Variants in PRRG3 observed in about 807,000 individuals in gnomAD.
The protein encoded by PRRG3 is proline rich and Gla domain 3, also known as transmembrane gamma-carboxyglutamic acid protein 3.
PRRG3 carries 21 observed loss-of-function variants against 15.8 expected under a neutral mutation model. That is an observed-to-expected ratio of 1.33 (90% CI 0.94 to 1.92). The LOEUF (loss-of-function observed/expected upper bound fraction) is 1.92, where lower values mean the gene tolerates loss of function less well. Among genes scored for constraint, PRRG3 ranks in the 40% most tolerant of loss-of-function variants. The probability of loss-of-function intolerance (pLI) is 0.00; values close to 1 mark genes in which losing one functional copy is unlikely to be tolerated. For synonymous variants in PRRG3, 125 were observed against 84.1 expected, an observed-to-expected ratio of 1.49 and a Z score of -2.66; for missense variants, 251 against 200.2, an observed-to-expected ratio of 1.25 and a Z score of -1.53.
intron 2 of PRRG3, 49 bp from the exon 3 acceptor site, chrX:151,699,947 G>A: frequency 2.7e-6 from 3 of 1,129,537 alleles, no homozygotes; most frequent in Non-Finnish European, 2.4e-6. Flanking sequence ...GTTTGAAGGA[G>A]CCCCTGGGCA....
At chrX:151,696,818 G>A (rs2014767305) in intron 1 of PRRG3, among the ~76,000 whole-genome samples, 1 of 110,864 alleles carries the variant, frequency 9.0e-6, no homozygotes, top group Admixed American at 9.6e-5. Flanking sequence ...AAACATTGAG[G>A]GCCAACTGTC....
chrX:151,700,192 A>G, intron 3 of PRRG3, 36 bp downstream of exon 3: 1 of 1,211,577 alleles, frequency 8.3e-7, no homozygotes, highest in Non-Finnish European at 1.1e-6. Context: ...TGGGAGTAGG[A>G]GTAGCCTCAG....
chrX:151,705,354 C>T lies in PRRG3; in HGVS notation c.*4321C>T, dbSNP rs1335916675. On this transcript the variant is annotated 3_prime_UTR_variant, in exon 4 of 4. Transcript: ENST00000674457. ...GCTTTTCCTTTCAGACTGTGGGCAG[C>T]GAGTCTCTCTCTAGCAAGAATTTAT... 2 of 341,628 alleles carry T rather than the reference C, an allele frequency of 5.9e-6. No individual in the cohort carries two copies. The highest frequency in any genetic ancestry group is 1.2e-5 in the Non-Finnish European group (2 of 169,964). 28.2% of individuals were successfully genotyped at this position (341,628 alleles called of 1,213,427 possible).
intron 2 of PRRG3, 49 bp from the exon 3 acceptor site, chrX:151,699,947 G>T (rs771193135): frequency 8.9e-7 from 1 of 1,129,537 alleles, no homozygotes; most frequent in Non-Finnish European, 1.2e-6. Flanking sequence ...GTTTGAAGGA[G>T]CCCCTGGGCA....
rs935999244 is a variant in PRRG3 at position 151,705,115 on chromosome X, G to A, written c.*4082G>A. 3.7e-5 allele frequency: 10 copies of A among 267,136 alleles called. No homozygotes were observed. Among genetic ancestry groups the A allele is most frequent in the African/African-American group, 2.3e-4 (8 of 35,200 alleles). 22.0% of individuals were successfully genotyped at this position (267,136 alleles called of 1,213,427 possible). On this transcript the variant is annotated 3_prime_UTR_variant, in exon 4 of 4. Coordinates refer to ENST00000674457, the MANE Select transcript of PRRG3 (RefSeq NM_001372163.1). ...CAGTTCAGCACTTCTCGTATGTACA[G>A]GGTGATCTCTTGTTCTCTCTCCATC...
Position 151,700,024 on chromosome X carries a change from G to A in PRRG3, c.36G>A (p.Ser12=), listed in dbSNP as rs1367218668. 6.6e-6 allele frequency: 8 copies of A among 1,208,655 alleles called. No individual in the cohort carries two copies. The South Asian group carries it at 7.1e-5, about 11-fold the overall frequency. ...TTCTGGAGGCCAAGGATGCCCATTC[G>A]GTCCTGAAACGATTCCCTCGTGCCA... ...AVFLEAKDAH[S]VLKRFPRANE... Residue 12 remains serine (S), a synonymous_variant, in exon 3 of 4, where the codon TCG becomes TCA. Transcript: ENST00000674457.
chrX:151,698,565 G>GCCCTACT, intron 1 of PRRG3: 1 of 310,067 alleles, frequency 3.2e-6, no homozygotes. Flanking sequence ...TTTGCTTTGG[G>GCCCTACT]CCCTACTGGG....
chrX:151,700,982 AC>A lies in PRRG3; in HGVS notation c.650del (p.Pro217GlnfsTer6). 8.5e-7 allele frequency: 1 copy of A among 1,179,355 alleles called. No homozygotes were observed. The highest frequency in any genetic ancestry group is 1.1e-6 in the Non-Finnish European group (1 of 879,419). ...AGGCCAGCGTGTCTTACAGTGACCC[AC>A]CCCCAAAGTACGAGGAGATAGTGGC... is the stretch of plus-strand genomic sequence containing the variant. ...EEASVSYSDP[P>X]PKYEEIVAAN... On this transcript the variant is annotated frameshift_variant, in exon 4 of 4. Transcript: ENST00000674457. LOFTEE classifies it high-confidence loss of function.
In PRRG3 at chrX:151,700,104, A is replaced by C. The variant is rs1569422058; in HGVS notation, c.116A>C (p.Glu39Ala). 1 of 1,211,980 alleles carries C rather than the reference A, an allele frequency of 8.3e-7. No homozygotes were observed. Among genetic ancestry groups the C allele is most frequent in the Non-Finnish European group, 1.1e-6 (1 of 895,576 alleles). ...ACCATCGAGCGAGAGTGCATGGAGG[A>C]GATCTGCAGCTACGAGGAGGTCAAG... ...QGTIERECME[E>A]ICSYEEVKEV... Residue 39 changes from glutamate (E) to alanine (A), a missense_variant, in exon 3 of 4, where the codon GAG becomes GCG. By Grantham distance (107) the Glu-to-Ala change is moderately radical (BLOSUM62 -1). Transcript: ENST00000674457.
chrX:151,703,749 A>G lies in PRRG3; in HGVS notation c.*2716A>G, dbSNP rs1326594421. ...AAGCAGCTCCATTCTGCAGGTCTCC[A>G]CCCTATGCAACCCCCGCTCACACGC... On this transcript the variant is annotated 3_prime_UTR_variant, in exon 4 of 4. Transcript: ENST00000674457. 1 of 105,353 alleles carries G rather than the reference A, an allele frequency of 9.5e-6. No homozygotes were observed. Among genetic ancestry groups the G allele is most frequent in the East Asian group, 3.0e-4 (1 of 3,302 alleles). 8.7% of individuals were successfully genotyped at this position (105,353 alleles called of 1,213,427 possible).
At position 151,700,050 on chromosome X, in the gene PRRG3, A is replaced by G. The variant is rs888847773; in HGVS notation, c.62A>G (p.Asn21Ser). Residue 21 changes from asparagine to serine, a missense_variant, in exon 3 of 4, where the codon AAT (asparagine) becomes AGT (serine). Asn to Ser is a conservative substitution (Grantham distance 46). Transcript: ENST00000674457. ...GTCCTGAAACGATTCCCTCGTGCCA[A>G]TGAGTTCCTGGAGGAGCTGCGCCAG... The part of the protein sequence containing the change: ...HSVLKRFPRA[N>S]EFLEELRQGT... 3 of 1,211,771 alleles carry G rather than the reference A, an allele frequency of 2.5e-6. No homozygotes were observed. Among genetic ancestry groups the G allele is most frequent in the Admixed American group, 4.3e-5 (2 of 46,086 alleles).
chrX:151,699,843 C>T (rs981458767), intron 2 of PRRG3, 153 bp from the exon 3 acceptor site: 44 of 520,895 alleles, frequency 8.4e-5, no homozygotes, highest in East Asian at 1.1e-4. Flanking sequence ...CACAAAGGGC[C>T]GGCCATGTCC....
At chrX:151,696,400 C>T (rs2014760980) in intron 1 of PRRG3, among the ~76,000 whole-genome samples, 1 of 110,184 alleles carries the variant, frequency 9.1e-6, no homozygotes, top group Non-Finnish European at 1.9e-5. Flanking sequence ...GCCATGGGAA[C>T]TGTTTTGGGG....
chrX:151,705,098 C>T lies in PRRG3; in HGVS notation c.*4065C>T. On this transcript the variant is annotated 3_prime_UTR_variant, in exon 4 of 4. Coordinates refer to ENST00000674457, the MANE Select transcript of PRRG3 (RefSeq NM_001372163.1). ...CCGTGCCTTCAGCTTTGCAGTTCAG[C>T]ACTTCTCGTATGTACAGGGTGATCT... The T allele has an allele frequency of 4.3e-6, 1 of 230,765 alleles. No homozygotes were observed. The highest frequency in any genetic ancestry group is 5.0e-5 in the South Asian group (1 of 19,873). 19.0% of individuals were successfully genotyped at this position (230,765 alleles called of 1,213,427 possible). A position where few individuals can be genotyped will look rare whatever the true frequency, so the allele number is the denominator to read the frequency against.
chrX:151,701,156 C>G lies in PRRG3; in HGVS notation c.*123C>G. 1.5e-6 allele frequency: 1 copy of G among 664,508 alleles called. No homozygotes were observed. Among genetic ancestry groups the G allele is most frequent in the South Asian group, 6.1e-5 (1 of 16,308 alleles). The allele number at this position is 664,508 out of a possible 1,213,427, so 54.8% of individuals were successfully genotyped here. ...AGCCTCCTTGTTGCCAAATAATTCCCTAACTGTGGAGTTTTAGGAAGTCAG... is the reference window on the plus strand; with the variant it reads ...AGCCTCCTTGTTGCCAAATAATTCCGTAACTGTGGAGTTTTAGGAAGTCAG... On this transcript the variant is annotated 3_prime_UTR_variant, in exon 4 of 4. Transcript: ENST00000674457.
At position 151,704,147 on chromosome X, in the gene PRRG3, G is replaced by A. The variant is rs961502019; in HGVS notation, c.*3114G>A. 3 of 109,672 alleles carry A rather than the reference G, an allele frequency of 2.7e-5. No individual in the cohort carries two copies. Among genetic ancestry groups the A allele is most frequent in the Non-Finnish European group, 5.7e-5 (3 of 52,690 alleles). The allele number at this position is 109,672 out of a possible 1,213,427, so 9.0% of individuals were successfully genotyped here. A position where few individuals can be genotyped will look rare whatever the true frequency, so the allele number is the denominator to read the frequency against. The stretch of plus-strand genomic sequence containing the variant: ...CCTCCCCCGCTTCCCATCGCCTCCG[G>A]TTTTCAAAATGAAAGCACAAGTGCA... On this transcript the variant is annotated 3_prime_UTR_variant, in exon 4 of 4. Transcript: ENST00000674457.
chrX:151,705,621 A>G lies in PRRG3; in HGVS notation c.*4588A>G, dbSNP rs1264270226. ...CTGTTATTTTGCTCTGACATTGTGA[A>G]TTTGTGACAGTGGAAACCCTGATAT... On this transcript the variant is annotated 3_prime_UTR_variant, in exon 4 of 4. Transcript: ENST00000674457. 1 of 209,348 alleles carries G rather than the reference A, an allele frequency of 4.8e-6. No homozygotes were observed. The highest frequency in any genetic ancestry group is 2.9e-5 in the African/African-American group (1 of 34,098). 17.3% of individuals were successfully genotyped at this position (209,348 alleles called of 1,213,427 possible). A position where few individuals can be genotyped will look rare whatever the true frequency, so the allele number is the denominator to read the frequency against.
Position 151,703,167 on chromosome X carries a change from A to G in PRRG3, c.*2134A>G, listed in dbSNP as rs2014914003. On this transcript the variant is annotated 3_prime_UTR_variant, in exon 4 of 4. Coordinates refer to ENST00000674457, the MANE Select transcript of PRRG3 (RefSeq NM_001372163.1). ...GGCAACATGTGTCCTTCAGGGGCTG[A>G]GGACAGGCCGTGGGAAGAGTCACAG... is the stretch of plus-strand genomic sequence containing the variant. 8.9e-6 allele frequency: 1 copy of G among 112,360 alleles called. No individual in the cohort carries two copies. The highest frequency in any genetic ancestry group is 3.7e-4 in the South Asian group (1 of 2,718). 9.3% of individuals were successfully genotyped at this position (112,360 alleles called of 1,213,427 possible).
At chrX:151,700,345 C>A in intron 3 of PRRG3, 161 bp from the exon 4 acceptor site, 2 of 1,145,645 alleles carry the variant, frequency 1.7e-6, no homozygotes, top group Non-Finnish European at 2.3e-6. Flanking sequence ...GTCCTCCTCA[C>A]TTGGGAGCAT....
Sources: allele counts gnomAD v4.1 joint callset (sites outside exome capture counted in the v4.1 genomes callset), GRCh38; gene constraint gnomAD v4.1.1; transcripts MANE v1.5; gene names NCBI Gene and HGNC (gene_info 2026-07-23, HGNC 2026-07-21).